Variants in TTLL5 observed in about 807,000 individuals in gnomAD.
TTLL5 encodes tubulin polyglutamylase TTLL5.
In TTLL5, 132 loss-of-function variants were observed where a neutral mutation model predicts 168.4. That is an observed-to-expected ratio of 0.78 (90% CI 0.68 to 0.91). The LOEUF is 0.91. Among genes scored for constraint, TTLL5 ranks in the 40% least tolerant of loss-of-function variants. TTLL5 has a pLI of 0.00. For missense variants in TTLL5, 1,545 were observed against 1,581.5 expected (o/e 0.98, Z 0.39); for synonymous variants, 546 against 558.6 (o/e 0.98, Z 0.32).
rs1166759537 is a variant in TTLL5 at position 75,663,164 on chromosome 14, G to A, written c.15G>A (p.Met5Ile). 1 of 1,613,726 alleles carries A rather than the reference G, an allele frequency of 6.2e-7. No homozygotes were observed. Among genetic ancestry groups the A allele is most frequent in the African/African-American group, 1.3e-5 (1 of 75,006 alleles). Residue 5 changes from methionine to isoleucine, a missense_variant, in exon 2 of 32, where the codon ATG becomes ATA. Transcript: ENST00000298832. MPIVMARDLEETASS... is the reference protein window; with the variant it reads MPIVIARDLEETASS... Reference sequence around the variant, plus strand: ...CCCTAAAGGAAATGCCAATCGTGATGGCCCGGGACCTGGAGGAAACAGCAT... The same window carrying A: ...CCCTAAAGGAAATGCCAATCGTGATAGCCCGGGACCTGGAGGAAACAGCAT...
chr14:75,671,911 T>C (rs1163042645), intron 3 of TTLL5, among the ~76,000 whole-genome samples: 3 of 152,226 alleles, frequency 2.0e-5, no homozygotes, highest in Admixed American at 6.5e-5. Context: ...TCTAGTACAA[T>C]GCTGAATAGA....
chr14:75,699,756 G>A (rs547624201), intron 7 of TTLL5, among the ~76,000 whole-genome samples: 10 of 151,288 alleles, frequency 6.6e-5, no homozygotes, highest in East Asian at 3.9e-4. Context: ...GCCCTTCTTC[G>A]TCTCATTTCT....
At chr14:75,941,835 A>T (rs1444199257) in intron 31 of TTLL5, among the ~76,000 whole-genome samples, 1 of 138,978 alleles carries the variant, frequency 7.2e-6, no homozygotes, top group Non-Finnish European at 1.5e-5. Flanking sequence ...CAGAAAATTC[A>T]TGATGAACTT....
intron 28 of TTLL5, among the ~76,000 whole-genome samples, chr14:75,859,964 G>C (rs1233426877): frequency 6.6e-6 from 1 of 152,200 alleles, no homozygotes; most frequent in East Asian, 1.9e-4. Context: ...ACATTACACA[G>C]CTGAGCATTT....
chr14:75,683,776 C>A, intron 5 of TTLL5, 120 bp downstream of exon 5: 1 of 487,006 alleles, frequency 2.1e-6, no homozygotes, highest in Non-Finnish European at 3.6e-6. Context: ...AGAAGAAGGA[C>A]TTTTTTTTTT....
At chr14:75,836,797 G>A (rs890131747) in intron 28 of TTLL5, among the ~76,000 whole-genome samples, 2 of 152,106 alleles carry the variant, frequency 1.3e-5, no homozygotes, top group Non-Finnish European at 2.9e-5. Flanking sequence ...AAAAGTTGAA[G>A]CCTCTTTCCC....
intron 30 of TTLL5, among the ~76,000 whole-genome samples, chr14:75,899,960 A>C (rs2032848793): frequency 6.8e-6 from 1 of 147,864 alleles, no homozygotes; most frequent in Non-Finnish European, 1.5e-5. Context: ...TTTTTTTTAA[A>C]CCACTAATAC....
intron 1 of TTLL5, among the ~76,000 whole-genome samples, chr14:75,661,898 C>CG (rs1890755780): frequency 6.6e-6 from 1 of 151,734 alleles, no homozygotes; most frequent in Non-Finnish European, 1.5e-5. Flanking sequence ...ACAGTCTCAT[C>CG]GTATTTATGA....
intron 2 of TTLL5, among the ~76,000 whole-genome samples, chr14:75,663,454 G>T (rs1357076260): frequency 6.6e-6 from 1 of 152,092 alleles, no homozygotes; most frequent in Admixed American, 6.6e-5. Flanking sequence ...CTCTTTCTGG[G>T]CCCATAAGTG....
In TTLL5 at chr14:75,681,528, A is replaced by T. The variant is rs1483184702; in HGVS notation, c.182-17A>T. 6.2e-7 allele frequency: 1 copy of T among 1,609,778 alleles called. No homozygotes were observed. The highest frequency in any genetic ancestry group is 8.5e-7 in the Non-Finnish European group (1 of 1,177,784). Reference sequence around the variant, plus strand: ...GTTAACTTTCTAGTTACTGAACTTGATTCTGTTTTTCTTTAGAACGTTATC... The same window carrying T: ...GTTAACTTTCTAGTTACTGAACTTGTTTCTGTTTTTCTTTAGAACGTTATC... On this transcript the variant is annotated splice_polypyrimidine_tract_variant and intron_variant, in intron 3 of 31. Transcript: ENST00000298832.
chr14:75,845,824 A>G (rs2139865606), intron 28 of TTLL5, among the ~76,000 whole-genome samples: 1 of 152,320 alleles, frequency 6.6e-6, no homozygotes, highest in Admixed American at 6.5e-5. Context: ...CTAGTTTTAG[A>G]GGGAGGAAAA....
intron 30 of TTLL5, chr14:75,886,944 G>C (rs1231743848): frequency 1.4e-6 from 2 of 1,421,968 alleles, no homozygotes; most frequent in Non-Finnish European, 1.8e-6. Flanking sequence ...GGCCAAAGAT[G>C]TTGTAACCTG....
intron 6 of TTLL5, among the ~76,000 whole-genome samples, chr14:75,690,840 G>A (rs776159444): frequency 5.3e-5 from 8 of 152,012 alleles, no homozygotes; most frequent in Non-Finnish European, 8.8e-5. Context: ...GGCTGGTCTT[G>A]AACACCTGGG....
intron 2 of TTLL5, among the ~76,000 whole-genome samples, chr14:75,666,048 C>T (rs997692185): frequency 6.6e-6 from 1 of 152,180 alleles, no homozygotes. Context: ...TTTTAGACTC[C>T]TACTGTTGAT....
rs144079599 is a variant in TTLL5, at chr14:75,894,421, C to T, written c.3741-7721C>T. On this transcript the variant is annotated intron_variant, in intron 30 of 31. Transcript: ENST00000298832. Reference sequence around the variant, plus strand: ...ACAAAAAATTAGCTGGGCGTTATGGCGCATGCCTGTAATCCCAGCTACTCG... The same window carrying T: ...ACAAAAAATTAGCTGGGCGTTATGGTGCATGCCTGTAATCCCAGCTACTCG... 3.3e-3 allele frequency among the ~76,000 whole-genome samples: 507 copies of T among 152,186 alleles called. 4 individuals are homozygous for T. The highest frequency in any genetic ancestry group is 0.011 in the African/African-American group (469 of 41,534).
chr14:75,905,570 G>A (rs1249838431), intron 31 of TTLL5, among the ~76,000 whole-genome samples: 1 of 152,186 alleles, frequency 6.6e-6, no homozygotes, highest in Non-Finnish European at 1.5e-5. Context: ...GTAGTTTGCT[G>A]TGGAAGGGAA....
intron 28 of TTLL5, among the ~76,000 whole-genome samples, chr14:75,857,365 T>A (rs530649363): frequency 6.5e-4 from 94 of 143,648 alleles, no homozygotes; most frequent in Non-Finnish European, 1.0e-3. Flanking sequence ...CCTAGTGTAT[T>A]TGATTGGTTG....
intron 25 of TTLL5, 142 bp from the exon 26 acceptor site, chr14:75,783,005 A>T: frequency 1.0e-6 from 1 of 961,722 alleles, no homozygotes; most frequent in Non-Finnish European, 1.5e-6. Flanking sequence ...TATGATGAAC[A>T]CTCATTAAAG....
chr14:75,900,035 G>T (rs1346540040), intron 30 of TTLL5, among the ~76,000 whole-genome samples: 2 of 151,592 alleles, frequency 1.3e-5, no homozygotes, highest in African/African-American at 4.9e-5. Flanking sequence ...AAGCACAGTG[G>T]CTCTAATGGT....
Sources: allele counts gnomAD v4.1 joint callset (sites outside exome capture counted in the v4.1 genomes callset), GRCh38; gene constraint gnomAD v4.1.1; transcripts MANE v1.5; gene names NCBI Gene and HGNC (gene_info 2026-07-23, HGNC 2026-07-21).